Variants in AK8 observed in about 807,000 individuals in gnomAD.
AK8 encodes adenylate kinase 8, also known as ATP-AMP transphosphorylase 8.
A neutral mutation model predicts 54.6 loss-of-function variants in AK8; 44 were observed. The observed-to-expected ratio is 0.81, with a 90% CI of 0.63 to 1.04. The LOEUF is 1.04. AK8 is among the 50% of genes least tolerant of loss of function. The pLI is 0.00. For missense variants in AK8, 555 were observed against 613.6 expected, an observed-to-expected ratio of 0.90 and a Z score of 1.01; for synonymous variants, 239 against 245.6, an observed-to-expected ratio of 0.97 and a Z score of 0.25.
chr9:132,855,396 T>A (rs1843136998), intron 4 of AK8, among the ~76,000 whole-genome samples: 1 of 152,152 alleles, frequency 6.6e-6, no homozygotes, highest in South Asian at 2.1e-4. Flanking sequence ...AGGGACAGTG[T>A]CCTACTGACT....
Position 132,837,276 on chromosome 9 carries a change from G to A in AK8, c.403-8550C>T, listed in dbSNP as rs144810013. 1.1e-3 allele frequency among the ~76,000 whole-genome samples: 156 copies of A among 148,340 alleles called. No homozygotes were observed. The highest frequency in any genetic ancestry group is 1.7e-3 in the Non-Finnish European group (114 of 67,496). The stretch of plus-strand genomic sequence containing the variant: ...AGAGGTTGCAGTGAGCTGAGATTGC[G>A]CCACTGCACTCCAGCCTGGGTGACA... On this transcript the variant is annotated intron_variant, in intron 5 of 12. Transcript: ENST00000298545. The surrounding 1 kb of genome is among the most constrained non-coding windows in gnomAD (Gnocchi z 4.3).
Position 132,781,242 on chromosome 9 carries a change from C to A in AK8, c.1121+11392G>T, listed in dbSNP as rs1019360395. ...GCCCATTTTATTTGTTCTGAAATAACTTTTTTTCCTTCTTTTCGACAGATC... is the reference window on the plus strand; with the variant it reads ...GCCCATTTTATTTGTTCTGAAATAAATTTTTTTCCTTCTTTTCGACAGATC... On this transcript the variant is annotated intron_variant, in intron 11 of 12. Coordinates refer to ENST00000298545, the MANE Select transcript of AK8 (RefSeq NM_152572.3). The surrounding 1 kb of genome is among the most constrained non-coding windows in gnomAD (Gnocchi z 4.6). Among the ~76,000 whole-genome samples, 1 of 151,924 alleles carries A rather than the reference C, an allele frequency of 6.6e-6. No individual in the cohort carries two copies. Among genetic ancestry groups the A allele is most frequent in the Non-Finnish European group, 1.5e-5 (1 of 67,974 alleles).
In AK8 at chr9:132,860,475, G is replaced by A. The variant is rs1843342138; in HGVS notation, c.333+3190C>T. 6.6e-6 allele frequency among the ~76,000 whole-genome samples: 1 copy of A among 152,228 alleles called. No individual in the cohort carries two copies. Among genetic ancestry groups the A allele is most frequent in the East Asian group, 1.9e-4 (1 of 5,194 alleles). On this transcript the variant is annotated intron_variant, in intron 4 of 12. Coordinates refer to ENST00000298545, the MANE Select transcript of AK8 (RefSeq NM_152572.3). The surrounding 1 kb of genome is among the most constrained non-coding windows in gnomAD (Gnocchi z 4.4). ...TCACATCTGGCGGACTCGAACGCAG[G>A]TAGAGGACAGGGAGAGTTCTAGAGG...
chr9:132,748,276 ATGTGTCTGAGCAG>A (rs1225949357), intron 11 of AK8, among the ~76,000 whole-genome samples: 1 of 150,244 alleles, frequency 6.7e-6, no homozygotes, highest in Non-Finnish European at 1.5e-5. Context: ...TTAAAGCTTC[ATGTGTCTGAGCAG>A]TGCTCTCAGT....
intron 10 of AK8, among the ~76,000 whole-genome samples, chr9:132,804,803 C>A (rs1348041603): frequency 4.4e-4 from 67 of 152,274 alleles, no homozygotes; most frequent in South Asian, 2.1e-4. Context: ...TTCTGGTTGA[C>A]AAACCCCAGC....
chr9:132,727,465 G>T lies in AK8; in HGVS notation c.1191C>A (p.Val397=). 1 of 1,614,024 alleles carries T rather than the reference G, an allele frequency of 6.2e-7. No homozygotes were observed. Among genetic ancestry groups the T allele is most frequent in the South Asian group, 1.1e-5 (1 of 91,048 alleles). The change falls in exon 12 of 13, where the codon GTC becomes GTA. Residue 397 remains valine (V), a synonymous_variant. Transcript: ENST00000298545. ...AACACAGCACAAACCTTTCCCCAGTGACTGGATCAATTCTTCTCAGAGTCA... is the reference window on the plus strand; with the variant it reads ...AACACAGCACAAACCTTTCCCCAGTTACTGGATCAATTCTTCTCAGAGTCA... ...ERLTLRRIDP[V]TGERYHLMYK...
intron 5 of AK8, among the ~76,000 whole-genome samples, chr9:132,850,595 G>C (rs1842935054): frequency 6.6e-6 from 1 of 151,946 alleles, no homozygotes; most frequent in Admixed American, 6.6e-5. Context: ...ACAGGGTTTT[G>C]CCATGTTGGC....
At chr9:132,836,499 C>T (rs1295740670) in intron 5 of AK8, among the ~76,000 whole-genome samples, 1 of 152,178 alleles carries the variant, frequency 6.6e-6, no homozygotes, top group Non-Finnish European at 1.5e-5. Context: ...AACTGGCATT[C>T]CAGGTATGAA....
At chr9:132,855,721 G>C (rs960676294) in intron 4 of AK8, among the ~76,000 whole-genome samples, 1 of 152,200 alleles carries the variant, frequency 6.6e-6, no homozygotes, top group Non-Finnish European at 1.5e-5. Flanking sequence ...AGCATTTGTT[G>C]AGCACGTGCT....
intron 5 of AK8, among the ~76,000 whole-genome samples, chr9:132,845,209 C>T (rs1382038704): frequency 6.6e-6 from 1 of 152,194 alleles, no homozygotes; most frequent in African/African-American, 2.4e-5. Context: ...CAGCTACCAC[C>T]ATCATCAAAA....
intron 12 of AK8, among the ~76,000 whole-genome samples, chr9:132,726,217 T>C (rs1042543198): frequency 2.0e-5 from 3 of 149,042 alleles, no homozygotes; most frequent in African/African-American, 7.4e-5. Flanking sequence ...CCTCCTTCCC[T>C]CCTTCCTTCC....
At chr9:132,741,568 G>A (rs557187003) in intron 11 of AK8, among the ~76,000 whole-genome samples, 1 of 152,322 alleles carries the variant, frequency 6.6e-6, no homozygotes, top group African/African-American at 2.4e-5. Context: ...TCCAGAAAGA[G>A]CTCAGCTGTA....
Position 132,799,581 on chromosome 9 carries a change from A to G in AK8, c.980-6806T>C, listed in dbSNP as rs771639660. 6.6e-6 allele frequency among the ~76,000 whole-genome samples: 1 copy of G among 151,548 alleles called. No homozygotes were observed. The highest frequency in any genetic ancestry group is 1.5e-5 in the Non-Finnish European group (1 of 67,878). On this transcript the variant is annotated intron_variant, in intron 10 of 12. Coordinates refer to ENST00000298545, the MANE Select transcript of AK8 (RefSeq NM_152572.3). This position sits in a 1 kb window ranked among gnomAD's most constrained non-coding sequence, Gnocchi z 5.0. ...CACGCACACACACAGACATGTGCTC[A>G]TGCACTCAGCTACAAACACACACAC...
intron 10 of AK8, among the ~76,000 whole-genome samples, chr9:132,805,152 C>T (rs1840659608): frequency 1.3e-5 from 2 of 152,170 alleles, no homozygotes; most frequent in Non-Finnish European, 1.5e-5. Flanking sequence ...AGCGCACTGG[C>T]GGTTTGCTCT....
At chr9:132,830,998 TCAC>T (rs911266646) in intron 5 of AK8, among the ~76,000 whole-genome samples, 70 of 152,330 alleles carry the variant, frequency 4.6e-4, no homozygotes, top group African/African-American at 1.5e-3. Flanking sequence ...TCCTTATGGC[TCAC>T]CACCTGTTCC....
At chr9:132,870,815 C>T (rs1843793069) in intron 2 of AK8, among the ~76,000 whole-genome samples, 1 of 152,246 alleles carries the variant, frequency 6.6e-6, no homozygotes, top group African/African-American at 2.4e-5. Flanking sequence ...TGGAAGGGGG[C>T]ACAATGATCT....
intron 10 of AK8, among the ~76,000 whole-genome samples, chr9:132,805,002 T>G (rs902547902): frequency 1.3e-5 from 2 of 152,222 alleles, no homozygotes; most frequent in Non-Finnish European, 2.9e-5. Flanking sequence ...GCACCTGCCG[T>G]TGGGGGGTCT....
At chr9:132,833,364 T>C (rs1842184348) in intron 5 of AK8, among the ~76,000 whole-genome samples, 1 of 152,198 alleles carries the variant, frequency 6.6e-6, no homozygotes, top group Non-Finnish European at 1.5e-5. Flanking sequence ...ACAACTGCCA[T>C]GATGGGACAT....
intron 5 of AK8, among the ~76,000 whole-genome samples, chr9:132,850,666 G>A (rs1195075451): frequency 2.0e-5 from 3 of 152,116 alleles, no homozygotes; most frequent in Admixed American, 6.5e-5. Flanking sequence ...CCAAAATACT[G>A]GGATTACAGG....
Sources: allele counts gnomAD v4.1 joint callset (sites outside exome capture counted in the v4.1 genomes callset), GRCh38; gene constraint gnomAD v4.1.1; non-coding constraint Gnocchi (gnomAD v3.1); transcripts MANE v1.5; gene names NCBI Gene and HGNC (gene_info 2026-07-23, HGNC 2026-07-21).